The following NFIB variants were observed in gnomAD, a reference collection of about 807,000 sequenced individuals.
NFIB encodes the protein nuclear factor I B, also known as nuclear factor 1 B-type.
NFIB carries 11 observed loss-of-function variants against 61.5 expected under a neutral mutation model. The ratio of observed to expected loss-of-function variants is 0.18; its 90% CI spans 0.11 to 0.30. The LOEUF (loss-of-function observed/expected upper bound fraction) is 0.30, where lower values mean the gene tolerates loss of function less well. Ranked by LOEUF, NFIB falls within the 10% of genes least tolerant of loss-of-function variation. NFIB has a pLI of 1.00. For missense variants in NFIB, 471 were observed against 608.9 expected (o/e 0.77, Z 2.38); for synonymous variants, 260 against 216.5 (o/e 1.20, Z -1.76).
intron 2 of NFIB, among the ~76,000 whole-genome samples, chr9:14,288,349 AAG>A (rs905499453): frequency 8.0e-5 from 11 of 136,908 alleles, no homozygotes; most frequent in African/African-American, 2.2e-4. Context: ...AATAATAAAA[AAG>A]AGATTAATCA....
intron 1 of NFIB, among the ~76,000 whole-genome samples, chr9:14,379,598 A>T (rs1022837): frequency 0.39 from 59,886 of 151,908 alleles, 12,162 homozygotes; most frequent in Middle Eastern, 0.45. Flanking sequence ...TTGGCTCTGC[A>T]TGAGAGGGTT....
chr9:14,321,388 G>A (rs549647396), intron 1 of NFIB, among the ~76,000 whole-genome samples: 2 of 152,276 alleles, frequency 1.3e-5, no homozygotes, highest in South Asian at 4.1e-4. Context: ...ATTCAGGGAT[G>A]AGGGGATGGG....
the NFIB span, among the ~76,000 whole-genome samples, chr9:14,422,141 T>C: frequency 2.0e-5 from 3 of 152,190 alleles, no homozygotes; most frequent in East Asian, 3.8e-4. Flanking sequence ...CACCATGCTA[T>C]GTAGGGTTAA....
chr9:14,215,525 T>C (rs1349139433), intron 2 of NFIB, among the ~76,000 whole-genome samples: 3 of 152,192 alleles, frequency 2.0e-5, no homozygotes, highest in African/African-American at 4.8e-5. Context: ...AAAATGCACC[T>C]TGATTCTATT....
At chr9:14,192,374 T>C (rs937609521) in intron 2 of NFIB, among the ~76,000 whole-genome samples, 8 of 152,132 alleles carry the variant, frequency 5.3e-5, no homozygotes, top group African/African-American at 1.9e-4. Flanking sequence ...CAAACTTAAT[T>C]CCCCTGCCCC....
intron 2 of NFIB, among the ~76,000 whole-genome samples, chr9:14,271,260 A>G (rs755939782): frequency 6.8e-6 from 1 of 146,084 alleles, no homozygotes; most frequent in African/African-American, 2.5e-5. Flanking sequence ...GCCTGGCCCA[A>G]TCTCGCCTGG....
At chr9:14,258,648 T>C (rs1335233017) in intron 2 of NFIB, among the ~76,000 whole-genome samples, 1 of 152,256 alleles carries the variant, frequency 6.6e-6, no homozygotes, top group Non-Finnish European at 1.5e-5. Context: ...ACTATGCAAC[T>C]ACTCTGAGAA....
the NFIB span, among the ~76,000 whole-genome samples, chr9:14,517,643 G>C: frequency 6.6e-6 from 1 of 152,150 alleles, no homozygotes; most frequent in Admixed American, 6.5e-5. Context: ...GTGTATATGT[G>C]TGTGTAGATA....
chr9:14,331,768 C>G (rs1005408545), intron 1 of NFIB, among the ~76,000 whole-genome samples: 2 of 152,204 alleles, frequency 1.3e-5, no homozygotes, highest in African/African-American at 4.8e-5. Context: ...ATTCCCTTAC[C>G]TTCGAAAATC....
At chr9:14,281,100 C>G (rs1038970555) in intron 2 of NFIB, among the ~76,000 whole-genome samples, 3 of 152,106 alleles carry the variant, frequency 2.0e-5, no homozygotes, top group African/African-American at 7.2e-5. Flanking sequence ...AAAATAAAAA[C>G]CTAAAATCTG....
chr9:14,208,199 G>A (rs1453808758), intron 2 of NFIB, among the ~76,000 whole-genome samples: 2 of 151,984 alleles, frequency 1.3e-5, no homozygotes, highest in Admixed American at 1.3e-4. Flanking sequence ...ACTCCAGACA[G>A]GTTCTAATTC....
rs1370418221 is a variant in NFIB at position 14,086,443 on chromosome 9, C to T, written c.*1866G>A. The T allele has an allele frequency of 9.3e-6, 2 of 215,904 alleles. No individual in the cohort carries two copies. The highest frequency in any genetic ancestry group is 1.9e-5 in the Non-Finnish European group (2 of 107,038). The allele number at this position is 215,904 out of a possible 1,614,324, so 13.4% of individuals were successfully genotyped here. ...CCAATACAGCTAAAAGCACTACCTA[C>T]ATAGGCAAAACTTGGTATTGCATAA... is the stretch of plus-strand genomic sequence containing the variant. On this transcript the variant is annotated 3_prime_UTR_variant, in exon 11 of 11. Transcript: ENST00000380953.
intron 1 of NFIB, among the ~76,000 whole-genome samples, chr9:14,392,730 G>A (rs1259834072): frequency 1.3e-5 from 2 of 151,242 alleles, no homozygotes; most frequent in Non-Finnish European, 2.9e-5. Context: ...AAAAAAAAAA[G>A]AAAAAGAGAT....
At chr9:14,404,650 G>A in the NFIB span, among the ~76,000 whole-genome samples, 1 of 152,118 alleles carries the variant, frequency 6.6e-6, no homozygotes, top group Admixed American at 6.5e-5. Flanking sequence ...GTTTTCCCAG[G>A]CTTTAGTGCA....
At chr9:14,403,573 A>G (rs1183041212), upstream of NFIB, among the ~76,000 whole-genome samples, 2 of 149,190 alleles carry the variant, frequency 1.3e-5, no homozygotes, top group East Asian at 3.9e-4. Context: ...TAAAGAGCTC[A>G]TTGAACATAT....
exon 1 of NFIB, chr9:14,398,669 T>A: frequency 7.1e-7 from 1 of 1,411,710 alleles, no homozygotes; most frequent in Non-Finnish European, 9.6e-7. Context: ...CTGTAGGCTC[T>A]GCTTCTGCCA....
intron 10 of NFIB, chr9:14,094,176 C>A (rs1587103671): frequency 6.6e-6 from 1 of 152,210 alleles, no homozygotes; most frequent in East Asian, 1.9e-4. Context: ...CTAAACTTTT[C>A]TCATCTCCCC....
intron 1 of NFIB, among the ~76,000 whole-genome samples, chr9:14,353,333 G>T (rs2061136781): frequency 1.3e-5 from 2 of 152,148 alleles, no homozygotes; most frequent in African/African-American, 4.8e-5. Context: ...CTGTTCTATA[G>T]GGTTCTTCAT....
chr9:14,306,982 C>T lies in NFIB; in HGVS notation c.562+7G>A. ...CCGTGCTAGAAAAAAGAACAATCTG[C>T]TCCTACCTTGCTCCTGCACGTAGTA... On this transcript the variant is annotated splice_region_variant and intron_variant, in intron 2 of 10. Transcript: ENST00000380953. The T allele has an allele frequency of 6.2e-7, 1 of 1,613,416 alleles. No individual in the cohort carries two copies. The highest frequency in any genetic ancestry group is 8.5e-7 in the Non-Finnish European group (1 of 1,179,444).
Sources: allele counts gnomAD v4.1 joint callset (sites outside exome capture counted in the v4.1 genomes callset), GRCh38; gene constraint gnomAD v4.1.1; transcripts MANE v1.5; gene names NCBI Gene and HGNC (gene_info 2026-07-23, HGNC 2026-07-21).